NSUN6: variants seen among roughly 807,000 people sequenced by gnomAD.
NSUN6 encodes the protein tRNA (cytosine(72)-C(5))-methyltransferase NSUN6.
Under a neutral mutation model 58.0 loss-of-function variants are expected in NSUN6, and 64 were observed. The ratio of observed to expected loss-of-function variants is 1.10; its 90% confidence interval spans 0.90 to 1.36. The LOEUF (loss-of-function observed/expected upper bound fraction) is 1.36, where lower values mean the gene tolerates loss of function less well. NSUN6 is among the 40% of genes most tolerant of loss of function. NSUN6 has a pLI of 0.00. For synonymous variants in NSUN6, 231 were observed against 193.9 expected, an observed-to-expected ratio of 1.19 and a Z score of -1.59; for missense variants, 701 against 550.1, an observed-to-expected ratio of 1.27 and a Z score of -2.74.
Position 18,585,609 on chromosome 10 carries a change from A to G in NSUN6, c.922+340T>C, listed in dbSNP as rs955334208. Among the ~76,000 whole-genome samples, 12 of 152,350 alleles carry G rather than the reference A, an allele frequency of 7.9e-5. No homozygotes were observed. In the East Asian group the frequency reaches 1.7e-3, roughly 22 times the overall value. ...TTAAGTGGGGAATCTAAAAAAGTCA[A>G]ACTCATAGAAAGAATAGTGGTTACC... On this transcript the variant is annotated intron_variant, in intron 8 of 10. Transcript: ENST00000377304.
intron 8 of NSUN6, among the ~76,000 whole-genome samples, chr10:18,560,872 AATGGAGAATGGAATGGAATGGAGGATGGT>A (rs1302928032): frequency 3.3e-5 from 5 of 151,254 alleles, no homozygotes; most frequent in African/African-American, 4.8e-5. Context: ...AACAGAATGG[AATGGAGAATGGAATGGAATGGAGGATGGT>A]ATGGAGAATG....
chr10:18,629,930 C>A (rs2131469110), intron 3 of NSUN6, among the ~76,000 whole-genome samples: 1 of 150,642 alleles, frequency 6.6e-6, no homozygotes, highest in Non-Finnish European at 1.5e-5. Flanking sequence ...GAACTCTCCA[C>A]CCCAAATCAA....
intron 3 of NSUN6, among the ~76,000 whole-genome samples, chr10:18,635,731 G>C (rs1005115265): frequency 2.0e-5 from 3 of 151,564 alleles, no homozygotes; most frequent in African/African-American, 4.9e-5. Flanking sequence ...CCAGCTACTC[G>C]GGAGGCTGAG....
upstream of NSUN6, chr10:18,653,165 A>G (rs2059738233): frequency 1.0e-6 from 1 of 984,882 alleles, no homozygotes; most frequent in Non-Finnish European, 1.2e-6. Context: ...AACAAGTTGA[A>G]CTACATTTTA....
chr10:18,646,678 A>C (rs946366881), intron 2 of NSUN6, among the ~76,000 whole-genome samples: 1 of 152,186 alleles, frequency 6.6e-6, no homozygotes, highest in African/African-American at 2.4e-5. Flanking sequence ...CCCCATCTCT[A>C]CTAAAAATAC....
intron 3 of NSUN6, among the ~76,000 whole-genome samples, chr10:18,627,630 T>C (rs1017090294): frequency 7.2e-5 from 11 of 152,118 alleles, no homozygotes; most frequent in Non-Finnish European, 1.5e-4. Flanking sequence ...TTCCCTTTCC[T>C]AGTCAAAGAA....
At chr10:18,585,893 G>A (rs2057112186) in intron 8 of NSUN6, 56 bp downstream of exon 8, 2 of 1,331,328 alleles carry the variant, frequency 1.5e-6, no homozygotes, top group Admixed American at 2.2e-5. Context: ...ACATCACACT[G>A]TATGCCACAA....
At chr10:18,592,653 T>C (rs1029487258) in intron 7 of NSUN6, among the ~76,000 whole-genome samples, 3 of 152,146 alleles carry the variant, frequency 2.0e-5, no homozygotes, top group African/African-American at 7.2e-5. Flanking sequence ...CTGGGAAAAC[T>C]GGCTGTCCAT....
At chr10:18,602,800 G>A (rs890955691) in intron 6 of NSUN6, among the ~76,000 whole-genome samples, 5 of 152,088 alleles carry the variant, frequency 3.3e-5, no homozygotes, top group African/African-American at 9.7e-5. Context: ...AGGGTATATC[G>A]GTGAGGGATG....
intron 10 of NSUN6, 127 bp from the exon 11 acceptor site, chr10:18,546,272 A>G: frequency 1.4e-6 from 1 of 727,084 alleles, no homozygotes; most frequent in South Asian, 1.5e-5. Flanking sequence ...AAAATGAGTA[A>G]ATGCCTTTCA....
At chr10:18,587,717 A>G (rs1449966061) in intron 7 of NSUN6, among the ~76,000 whole-genome samples, 1 of 152,084 alleles carries the variant, frequency 6.6e-6, no homozygotes, top group African/African-American at 2.4e-5. Context: ...AGCCAAGAGA[A>G]GCTGTGAGGA....
chr10:18,568,594 C>T (rs905180457), intron 8 of NSUN6, among the ~76,000 whole-genome samples: 8 of 149,788 alleles, frequency 5.3e-5, no homozygotes, highest in African/African-American at 2.0e-4. Context: ...GCATTCCATT[C>T]CACATTCAAA....
At chr10:18,621,581 T>G (rs2058608513) in intron 3 of NSUN6, among the ~76,000 whole-genome samples, 1 of 152,170 alleles carries the variant, frequency 6.6e-6, no homozygotes, top group South Asian at 2.1e-4. Context: ...TAAAATATGC[T>G]AAAAGCTTGA....
intron 9 of NSUN6, among the ~76,000 whole-genome samples, chr10:18,548,659 A>T (rs1381501138): frequency 1.3e-5 from 2 of 152,136 alleles, no homozygotes; most frequent in Non-Finnish European, 2.9e-5. Flanking sequence ...GTCTTGTCTT[A>T]CACTCCCGGG....
intron 3 of NSUN6, among the ~76,000 whole-genome samples, chr10:18,618,775 AT>A (rs1417413927): frequency 6.6e-6 from 1 of 151,456 alleles, no homozygotes; most frequent in Non-Finnish European, 1.5e-5. Context: ...ATTCTAGATA[AT>A]TTCCTAAGAG....
chr10:18,576,029 G>A (rs11511084), intron 8 of NSUN6, among the ~76,000 whole-genome samples: 39,335 of 151,840 alleles, frequency 0.26, 5,299 homozygotes, highest in Admixed American at 0.32. Flanking sequence ...ACCACAGTCC[G>A]TACAGCTGAG....
chr10:18,651,162 T>A lies in NSUN6; in HGVS notation c.42A>T (p.Glu14Asp), dbSNP rs2059693616. The change falls in exon 1 of 11, where the codon GAA (glutamate) becomes GAT (aspartate). Residue 14 changes from glutamate (E) to aspartate (D), a missense_variant. Coordinates refer to ENST00000377304, the MANE Select transcript of NSUN6 (RefSeq NM_182543.5). ...FPKISLRPEV[E>D]NYLKEGFMNK... ...TCATAAAGCCTTCCTTAAGATAGTTTTCAACCTCAGGTCTCAAAGATATCT... is the reference window on the plus strand; with the variant it reads ...TCATAAAGCCTTCCTTAAGATAGTTATCAACCTCAGGTCTCAAAGATATCT... 2 of 1,584,042 alleles carry A rather than the reference T, an allele frequency of 1.3e-6. No individual in the cohort carries two copies. Among genetic ancestry groups the A allele is most frequent in the African/African-American group, 2.8e-5 (2 of 72,622 alleles).
intron 8 of NSUN6, among the ~76,000 whole-genome samples, chr10:18,585,106 C>G (rs187199758): frequency 1.3e-5 from 2 of 151,432 alleles, no homozygotes; most frequent in Non-Finnish European, 2.9e-5. Context: ...ATCAAAACAA[C>G]GAGATGTCAC....
At chr10:18,637,155 G>T (rs1425969029) in intron 3 of NSUN6, among the ~76,000 whole-genome samples, 1 of 151,878 alleles carries the variant, frequency 6.6e-6, no homozygotes, top group African/African-American at 2.4e-5. Context: ...TAGAGACAGG[G>T]TTTCACCATG....
Sources: gnomAD v4.1 joint callset for allele counts (sites outside exome capture counted in the v4.1 genomes callset) on GRCh38, gnomAD v4.1.1 for gene constraint, MANE v1.5 for transcripts, NCBI Gene and HGNC (gene_info 2026-07-23, HGNC 2026-07-21) for gene names.